Variants in JAKMIP3 observed in about 807,000 individuals in gnomAD.
JAKMIP3 encodes Janus kinase and microtubule interacting protein 3, also known as janus kinase and microtubule-interacting protein 3.
JAKMIP3 carries 58 observed loss-of-function variants against 118.5 expected under a neutral mutation model. That is an observed-to-expected ratio of 0.49 (90% confidence interval 0.40 to 0.61). The LOEUF (loss-of-function observed/expected upper bound fraction) is 0.61. Ranked by LOEUF, JAKMIP3 falls within the 20% of genes least tolerant of loss-of-function variation. JAKMIP3 has a pLI of 0.00. For missense variants in JAKMIP3, 950 were observed against 1,109.0 expected, an observed-to-expected ratio of 0.86 and a Z score of 2.04; for synonymous variants, 486 against 451.2, an observed-to-expected ratio of 1.08 and a Z score of -0.98.
intron 1 of JAKMIP3, among the ~76,000 whole-genome samples, chr10:132,052,981 A>C (rs138886007): frequency 4.8e-4 from 73 of 152,288 alleles, no homozygotes; most frequent in African/African-American, 1.7e-3. Context: ...TGGGTCTTTT[A>C]ATTGTTTGTA....
intron 1 of JAKMIP3, among the ~76,000 whole-genome samples, chr10:132,037,115 T>C (rs1348182373): frequency 6.6e-6 from 1 of 152,228 alleles, no homozygotes; most frequent in Non-Finnish European, 1.5e-5. Flanking sequence ...GTGTCTGGTT[T>C]TTAAATTTCA....
At chr10:132,139,462 A>T (rs902811633) in intron 9 of JAKMIP3, among the ~76,000 whole-genome samples, 3 of 116,558 alleles carry the variant, frequency 2.6e-5, no homozygotes, top group African/African-American at 1.1e-4. Context: ...ATGTGTCTGC[A>T]TGTGTGTATG....
chr10:132,145,564 A>G lies in JAKMIP3; in HGVS notation c.1733A>G (p.Gln578Arg), dbSNP rs771802082. The change falls in exon 13 of 24, where the codon CAA becomes CGA. Residue 578 changes from glutamine (Q) to arginine (R), a missense_variant. Coordinates refer to ENST00000684848, the MANE Select transcript of JAKMIP3 (RefSeq NM_001323087.2). ...EEKQALYRRN[Q>R]ELVEKIKQME... ...AAGCAGGCACTGTACCGGAGAAATC[A>G]AGAGCTTGTGGAAAAGGTGAGCCCC... is the stretch of plus-strand genomic sequence containing the variant. The G allele has an allele frequency of 1.3e-5, 21 of 1,564,634 alleles. No individual in the cohort carries two copies. The highest frequency in any genetic ancestry group is 1.8e-5 in the Non-Finnish European group (21 of 1,154,636).
At chr10:132,080,587 T>A (rs2041633071) in intron 1 of JAKMIP3, among the ~76,000 whole-genome samples, 1 of 141,468 alleles carries the variant, frequency 7.1e-6, no homozygotes, top group Non-Finnish European at 1.5e-5. Context: ...AGTGGTGCAA[T>A]GTCAGCTCAC....
At chr10:132,140,039 G>A (rs931498478) in intron 9 of JAKMIP3, among the ~76,000 whole-genome samples, 2 of 152,184 alleles carry the variant, frequency 1.3e-5, no homozygotes, top group East Asian at 3.9e-4. Context: ...GTTTTTGTTT[G>A]TATTCCAATC....
chr10:132,079,096 A>G (rs1222056367), intron 1 of JAKMIP3, among the ~76,000 whole-genome samples: 1 of 139,168 alleles, frequency 7.2e-6, no homozygotes, highest in Non-Finnish European at 1.5e-5. Flanking sequence ...CCAGCTGCCG[A>G]GGCCTGGGCC....
At chr10:132,094,022 C>T (rs2134491368) in intron 1 of JAKMIP3, among the ~76,000 whole-genome samples, 1 of 148,164 alleles carries the variant, frequency 6.7e-6, no homozygotes, top group Admixed American at 6.8e-5. Context: ...ACTGCAACCT[C>T]TGCCTCCCAG....
intron 1 of JAKMIP3, among the ~76,000 whole-genome samples, chr10:132,075,407 C>CTTTTTT (rs375237424): frequency 4.4e-5 from 5 of 113,870 alleles, no homozygotes; most frequent in African/African-American, 1.1e-4. Flanking sequence ...TACTTCACCT[C>CTTTTTT]TTTTTTTTTT....
chr10:132,126,583 T>G (rs1016129515), intron 3 of JAKMIP3, among the ~76,000 whole-genome samples: 3 of 100,456 alleles, frequency 3.0e-5, no homozygotes, highest in African/African-American at 1.1e-4. Flanking sequence ...GCCATTGCAC[T>G]CTCCTAAAGT....
upstream of JAKMIP3, among the ~76,000 whole-genome samples, chr10:132,060,977 A>G (rs1205247444): frequency 1.3e-5 from 2 of 152,180 alleles, no homozygotes; most frequent in Admixed American, 6.5e-5. Context: ...GCGGGCCAAG[A>G]TCGCACCACT....
In JAKMIP3 at chr10:132,168,306, G is replaced by A. The variant is rs186016621; in HGVS notation, c.*376G>A. On this transcript the variant is annotated 3_prime_UTR_variant, in exon 23 of 24. Transcript: ENST00000684848. ...CTGCTTCTGTGCAGAAGCACCAGCC[G>A]CGGGTCCCCTCCTCTCTCTTGGTTC... is the stretch of plus-strand genomic sequence containing the variant. The A allele has an allele frequency of 3.2e-4, 417 of 1,289,528 alleles. 1 individual carries two copies. The Middle Eastern group carries it at 6.4e-3, about 20-fold the overall frequency. The allele number at this position is 1,289,528 out of a possible 1,614,324, so 79.9% of individuals were successfully genotyped here.
chr10:132,131,515 GTGTTGTGGATCC>G (rs2050610541), intron 3 of JAKMIP3, among the ~76,000 whole-genome samples: 2 of 151,898 alleles, frequency 1.3e-5, no homozygotes, highest in Admixed American at 6.5e-5. Context: ...GCTCCAGCAA[GTGTTGTGGATCC>G]TGTTCTTAGT....
Position 132,112,355 on chromosome 10 carries a change from C to A in JAKMIP3, c.136-4722C>A, listed in dbSNP as rs1402407170. ...AGGGGAGACGGGGCTGGGACCTGCC[C>A]TGGGCACTCGGCTCGTCAGCTGGGA... On this transcript the variant is annotated intron_variant, in intron 2 of 23. Coordinates refer to ENST00000684848, the MANE Select transcript of JAKMIP3 (RefSeq NM_001323087.2). The surrounding 1 kb of genome is among the most constrained non-coding windows in gnomAD (Gnocchi z 4.3). Among the ~76,000 whole-genome samples, 1 of 152,110 alleles carries A rather than the reference C, an allele frequency of 6.6e-6. No individual in the cohort carries two copies. The highest frequency in any genetic ancestry group is 1.5e-5 in the Non-Finnish European group (1 of 68,010).
chr10:132,131,048 C>T (rs753931527), intron 3 of JAKMIP3, among the ~76,000 whole-genome samples: 27 of 152,082 alleles, frequency 1.8e-4, no homozygotes, highest in Non-Finnish European at 3.2e-4. Context: ...CCAGCCTCAG[C>T]GTCGGCCTGC....
At chr10:132,136,170 G>T in intron 6 of JAKMIP3, 94 bp downstream of exon 6, 1 of 1,371,006 alleles carries the variant, frequency 7.3e-7, no homozygotes, top group East Asian at 2.4e-5. Context: ...CATGACAGCC[G>T]GTCCCGGGCG....
At chr10:132,107,407 G>A (rs1441784746) in intron 2 of JAKMIP3, among the ~76,000 whole-genome samples, 1 of 152,186 alleles carries the variant, frequency 6.6e-6, no homozygotes, top group Admixed American at 6.5e-5. Context: ...TCCAGGGCCG[G>A]CGTCTGAGGG....
chr10:132,164,027 G>A (rs7915260), intron 20 of JAKMIP3, among the ~76,000 whole-genome samples: 62,216 of 152,156 alleles, frequency 0.41, 14,725 homozygotes, highest in Admixed American at 0.54. Context: ...GCTGGGAGGC[G>A]GCTTTATGGA....
intron 1 of JAKMIP3, among the ~76,000 whole-genome samples, chr10:132,057,880 C>T (rs112432094): frequency 0.012 from 1,810 of 152,328 alleles, 33 homozygotes; most frequent in African/African-American, 0.041. Context: ...ACACTAATAA[C>T]GCACATAATG....
intron 13 of JAKMIP3, among the ~76,000 whole-genome samples, chr10:132,146,299 C>T (rs1031442523): frequency 1.3e-5 from 2 of 152,134 alleles, no homozygotes; most frequent in Non-Finnish European, 2.9e-5. Context: ...CACCTCCCAC[C>T]ACATCAGGCC....
Sources: allele counts gnomAD v4.1 joint callset (sites outside exome capture counted in the v4.1 genomes callset), GRCh38; gene constraint gnomAD v4.1.1; non-coding constraint Gnocchi (gnomAD v3.1); transcripts MANE v1.5; gene names NCBI Gene and HGNC (gene_info 2026-07-23, HGNC 2026-07-21).